L3MBTL4: variants seen among roughly 807,000 people sequenced by gnomAD.
L3MBTL4 encodes the protein L3MBTL histone methyl-lysine binding protein 4.
L3MBTL4 carries 70 observed loss-of-function variants against 84.5 expected under a neutral mutation model. That is an observed-to-expected ratio of 0.83 (90% confidence interval 0.68 to 1.01). The LOEUF is 1.01. Among genes scored for constraint, L3MBTL4 ranks in the 50% least tolerant of loss-of-function variants. The pLI, the probability that L3MBTL4 is intolerant of heterozygous loss-of-function variation, is 0.00. For synonymous variants in L3MBTL4, 274 were observed against 259.8 expected, an observed-to-expected ratio of 1.05 and a Z score of -0.52; for missense variants, 715 against 754.8, an observed-to-expected ratio of 0.95 and a Z score of 0.62.
At chr18:6,163,308 GGTGGGT>G (rs2043457635) in intron 13 of L3MBTL4, among the ~76,000 whole-genome samples, 1 of 78,248 alleles carries the variant, frequency 1.3e-5, no homozygotes, top group African/African-American at 5.3e-5. Flanking sequence ...TGTGTGTGTG[GGTGGGT>G]GTGTATTTTT....
intron 1 of L3MBTL4, among the ~76,000 whole-genome samples, chr18:6,372,985 A>G (rs899431162): frequency 5.3e-5 from 8 of 152,238 alleles, no homozygotes; most frequent in Admixed American, 5.2e-4. Flanking sequence ...AAGCACATTT[A>G]AATATACACT....
chr18:5,957,830 G>A (rs143449852), intron 18 of L3MBTL4, among the ~76,000 whole-genome samples: 1,789 of 151,558 alleles, frequency 0.012, 48 homozygotes, highest in African/African-American at 0.041. Flanking sequence ...TTAGCCAGGC[G>A]TAGTGGCATG....
chr18:5,983,060 C>T (rs1290029372), intron 16 of L3MBTL4, among the ~76,000 whole-genome samples: 1 of 152,188 alleles, frequency 6.6e-6, no homozygotes, highest in African/African-American at 2.4e-5. Flanking sequence ...AATATGAAAA[C>T]TGATGCGATT....
Position 6,143,946 on chromosome 18 carries a change from C to T in L3MBTL4, c.1097-5650G>A, listed in dbSNP as rs143599428. 2.3e-3 allele frequency among the ~76,000 whole-genome samples: 347 copies of T among 152,088 alleles called. 1 individual carries two copies. The highest frequency in any genetic ancestry group is 3.9e-3 in the Non-Finnish European group (263 of 67,974). The stretch of plus-strand genomic sequence containing the variant: ...GGCGCGGTGGCTCACGCCTGTAATC[C>T]CAGCATTTTGGGAGGCCAAGGGTGG... On this transcript the variant is annotated intron_variant, in intron 13 of 18. Coordinates refer to ENST00000317931, the MANE Select transcript of L3MBTL4 (RefSeq NM_001330559.2).
At chr18:6,031,301 G>A in intron 16 of L3MBTL4, 1 of 985,382 alleles carries the variant, frequency 1.0e-6, no homozygotes, top group Non-Finnish European at 1.2e-6. Context: ...TTGTGTTCCT[G>A]GGCATTTGGG....
chr18:6,277,661 C>A (rs150240085), intron 4 of L3MBTL4, among the ~76,000 whole-genome samples: 2 of 152,214 alleles, frequency 1.3e-5, no homozygotes, highest in African/African-American at 4.8e-5. Flanking sequence ...TAATTTCTAT[C>A]CTTCAGTAGG....
intron 4 of L3MBTL4, among the ~76,000 whole-genome samples, chr18:6,271,402 G>C (rs1218709759): frequency 6.6e-6 from 1 of 152,148 alleles, no homozygotes; most frequent in Non-Finnish European, 1.5e-5. Flanking sequence ...AAGGTAGAAA[G>C]GAAATTGAGA....
chr18:5,990,770 G>GGTGGGT (rs2053657190), intron 16 of L3MBTL4, among the ~76,000 whole-genome samples: 2 of 142,288 alleles, frequency 1.4e-5, no homozygotes, highest in African/African-American at 5.3e-5. Context: ...GGTTCATGTG[G>GGTGGGT]GTGTGTGTGT....
chr18:6,000,708 C>T (rs1209369937), intron 16 of L3MBTL4, among the ~76,000 whole-genome samples: 2 of 152,126 alleles, frequency 1.3e-5, no homozygotes, highest in South Asian at 2.1e-4. Flanking sequence ...ATACCATGTG[C>T]CACATTCAGT....
At chr18:6,093,893 A>G (rs1401223941) in intron 14 of L3MBTL4, among the ~76,000 whole-genome samples, 1 of 152,252 alleles carries the variant, frequency 6.6e-6, no homozygotes, top group Non-Finnish European at 1.5e-5. Context: ...GTTTGACTGT[A>G]TCAGAAAAGA....
intron 3 of L3MBTL4, among the ~76,000 whole-genome samples, chr18:6,304,838 A>T (rs1201088285): frequency 3.3e-5 from 5 of 152,230 alleles, no homozygotes; most frequent in Non-Finnish European, 5.9e-5. Flanking sequence ...AGCATTCGAG[A>T]GTTGATTATG....
chr18:6,182,802 T>C lies in L3MBTL4; in HGVS notation c.982-10860A>G, dbSNP rs918441480. 3.3e-5 allele frequency among the ~76,000 whole-genome samples: 5 copies of C among 152,358 alleles called. No homozygotes were observed. In the East Asian group the frequency reaches 5.8e-4, roughly 18 times the overall value. Reference sequence around the variant, plus strand: ...CACCAGTTATTGAATAGGGGAGTCCTTTAGATAAAATCTTTTCAAATGCTT... The same window carrying C: ...CACCAGTTATTGAATAGGGGAGTCCCTTAGATAAAATCTTTTCAAATGCTT... On this transcript the variant is annotated intron_variant, in intron 12 of 18. Coordinates refer to ENST00000317931, the MANE Select transcript of L3MBTL4 (RefSeq NM_001330559.2).
intron 16 of L3MBTL4, among the ~76,000 whole-genome samples, chr18:5,981,053 GT>G (rs1190493849): frequency 6.6e-6 from 1 of 152,124 alleles, no homozygotes; most frequent in Non-Finnish European, 1.5e-5. Context: ...CCTCCTGCCT[GT>G]TTTTCAGGTT....
At chr18:6,025,505 T>C (rs1375029396) in intron 16 of L3MBTL4, among the ~76,000 whole-genome samples, 1 of 152,238 alleles carries the variant, frequency 6.6e-6, no homozygotes, top group African/African-American at 2.4e-5. Flanking sequence ...TTTTTCTCCA[T>C]TTCTAAAAAC....
At chr18:6,229,452 C>T (rs1279300489) in intron 10 of L3MBTL4, among the ~76,000 whole-genome samples, 1 of 151,986 alleles carries the variant, frequency 6.6e-6, no homozygotes, top group Non-Finnish European at 1.5e-5. Flanking sequence ...ACTCATTGTC[C>T]TTCGATGTAT....
At chr18:6,244,274 T>A (rs981885443) in intron 6 of L3MBTL4, among the ~76,000 whole-genome samples, 1 of 152,130 alleles carries the variant, frequency 6.6e-6, no homozygotes, top group African/African-American at 2.4e-5. Context: ...CAAGAATAAA[T>A]GCTAGTTGAT....
intron 12 of L3MBTL4, among the ~76,000 whole-genome samples, chr18:6,172,258 T>C (rs1051512965): frequency 6.6e-6 from 1 of 152,186 alleles, no homozygotes; most frequent in Admixed American, 6.5e-5. Flanking sequence ...GAGGGGATAC[T>C]CTTTGTCCTG....
chr18:5,986,941 C>T (rs1050505028), intron 16 of L3MBTL4, among the ~76,000 whole-genome samples: 1 of 152,234 alleles, frequency 6.6e-6, no homozygotes, highest in African/African-American at 2.4e-5. Context: ...GGAATTACTC[C>T]TTTTTCTGTT....
intron 1 of L3MBTL4, among the ~76,000 whole-genome samples, chr18:6,366,811 C>T (rs2053954669): frequency 6.6e-6 from 1 of 152,186 alleles, no homozygotes; most frequent in African/African-American, 2.4e-5. Context: ...CATCATTTGC[C>T]TGCCTTTTTC....
Sources: allele counts gnomAD v4.1 joint callset (sites outside exome capture counted in the v4.1 genomes callset), GRCh38; gene constraint gnomAD v4.1.1; transcripts MANE v1.5; gene names NCBI Gene and HGNC (gene_info 2026-07-23, HGNC 2026-07-21).